BRIP1: variants seen among roughly 807,000 people sequenced by gnomAD.
BRIP1 encodes Fanconi anemia group J protein.
In BRIP1, 88 loss-of-function variants were observed where a neutral mutation model predicts 119.7. The ratio of observed to expected loss-of-function variants is 0.74; its 90% CI spans 0.62 to 0.88. BRIP1 has a LOEUF of 0.88. BRIP1 is among the 40% of genes least tolerant of loss of function. The pLI, the probability that BRIP1 is intolerant of heterozygous loss-of-function variation, is 0.00. For synonymous variants in BRIP1, 443 were observed against 496.5 expected, an observed-to-expected ratio of 0.89 and a Z score of 1.43; for missense variants, 1,259 against 1,455.4, an observed-to-expected ratio of 0.87 and a Z score of 2.20.
chr17:61,856,922 A>G lies in BRIP1; in HGVS notation c.379+136T>C. Reference sequence around the variant, plus strand: ...ATTTTTGACCACTCTGTGCTATTTTAAAATCATTCCAGAGAAACTAGATAG... The same window carrying G: ...ATTTTTGACCACTCTGTGCTATTTTGAAATCATTCCAGAGAAACTAGATAG... On this transcript the variant is annotated intron_variant, in intron 4 of 19. Transcript: ENST00000259008. This position sits in a 1 kb window ranked among gnomAD's most constrained non-coding sequence, Gnocchi z 5.1. The G allele has an allele frequency of 1.1e-6, 1 of 896,940 alleles. No homozygotes were observed. The highest frequency in any genetic ancestry group is 1.5e-5 in the South Asian group (1 of 67,026). 55.6% of individuals were successfully genotyped at this position (896,940 alleles called of 1,614,324 possible).
rs562043275 is a variant in BRIP1 at position 61,824,941 on chromosome 17, C to T, written c.628-16184G>A. ...ATTCCAAAATGGACAAAGGCAACAT[C>T]ATACTGAATGAGCAAAAGCTAGAAG... On this transcript the variant is annotated intron_variant, in intron 6 of 19. Transcript: ENST00000259008. The surrounding 1 kb of genome is among the most constrained non-coding windows in gnomAD (Gnocchi z 4.3). 6.6e-6 allele frequency among the ~76,000 whole-genome samples: 1 copy of T among 152,258 alleles called. No individual in the cohort carries two copies. Among genetic ancestry groups the T allele is most frequent in the East Asian group, 1.9e-4 (1 of 5,180 alleles).
At chr17:61,790,928 A>T (rs2077806959) in intron 10 of BRIP1, among the ~76,000 whole-genome samples, 1 of 152,072 alleles carries the variant, frequency 6.6e-6, no homozygotes, top group Non-Finnish European at 1.5e-5. Context: ...CCTCAGCCCC[A>T]TTTTACTGTT....
In BRIP1 at chr17:61,720,249, A is replaced by T. The variant is rs1185694049; in HGVS notation, c.2380-4186T>A. ...ATATTACATCATTTCAAATAACTAG[A>T]AGGAGGAGATTACATGTTCCATACA... is the stretch of plus-strand genomic sequence containing the variant. On this transcript the variant is annotated intron_variant, in intron 16 of 19. Coordinates refer to ENST00000259008, the MANE Select transcript of BRIP1 (RefSeq NM_032043.3). The surrounding 1 kb of genome is among the most constrained non-coding windows in gnomAD (Gnocchi z 4.3). Among the ~76,000 whole-genome samples the T allele has an allele frequency of 6.6e-6, 1 of 152,196 alleles. No individual in the cohort carries two copies. The highest frequency in any genetic ancestry group is 1.5e-5 in the Non-Finnish European group (1 of 68,024).
rs2077061483 is a variant in BRIP1, at chr17:61,746,613, T to C, written c.2098-2022A>G. 6.6e-6 allele frequency among the ~76,000 whole-genome samples: 1 copy of C among 151,940 alleles called. No individual in the cohort carries two copies. Reference sequence around the variant, plus strand: ...AAAAAAAAAGGACATTATATAATGATAAATGGGTCAATTCACTGGGAATAT... The same window carrying C: ...AAAAAAAAAGGACATTATATAATGACAAATGGGTCAATTCACTGGGAATAT... On this transcript the variant is annotated intron_variant, in intron 14 of 19. Transcript: ENST00000259008. The surrounding 1 kb of genome is among the most constrained non-coding windows in gnomAD (Gnocchi z 4.9).
chr17:61,850,699 AG>A (rs1468368167), intron 4 of BRIP1, among the ~76,000 whole-genome samples: 2 of 151,866 alleles, frequency 1.3e-5, no homozygotes, highest in Non-Finnish European at 2.9e-5. Context: ...ATGTTGGTGC[AG>A]GCCTATAATC....
chr17:61,743,227 A>G lies in BRIP1; in HGVS notation c.2258-93T>C, dbSNP rs1464589500. The G allele has an allele frequency of 7.0e-7, 1 of 1,428,644 alleles. No individual in the cohort carries two copies. The highest frequency in any genetic ancestry group is 9.7e-7 in the Non-Finnish European group (1 of 1,026,626). The allele number at this position is 1,428,644 out of a possible 1,614,324, so 88.5% of individuals were successfully genotyped here. A position where few individuals can be genotyped will look rare whatever the true frequency, so the allele number is the denominator to read the frequency against. On this transcript the variant is annotated intron_variant, in intron 15 of 19. Coordinates refer to ENST00000259008, the MANE Select transcript of BRIP1 (RefSeq NM_032043.3). The surrounding 1 kb of genome is among the most constrained non-coding windows in gnomAD (Gnocchi z 4.3). ...CCTGATTTATAATTATAGTAATTAC[A>G]GTAGCAAATTTAAAATAATCAAAAT... is the stretch of plus-strand genomic sequence containing the variant.
At position 61,683,634 on chromosome 17, in the gene BRIP1, C is replaced by A. The variant is rs587780249; in HGVS notation, c.3412G>T (p.Asp1138Tyr). The change falls in exon 20 of 20, where the codon GAT becomes TAT. Residue 1138 changes from aspartate to tyrosine, a missense_variant. Physicochemically the swap from Asp to Tyr is radical, Grantham distance 160 (BLOSUM62 -3). Transcript: ENST00000259008. The surrounding 1 kb of genome is among the most constrained non-coding windows in gnomAD (Gnocchi z 4.7). ...TTTTCTTCATCTGTATCTTCAGGAT[C>A]ATAAAGTTCAGGTGTAAAATAGATA... ...ESIYFTPELY[D>Y]PEDTDEEKND... The A allele has an allele frequency of 1.4e-5, 22 of 1,612,458 alleles. No homozygotes were observed. In the African/African-American group the frequency reaches 2.8e-4, roughly 21 times the overall value.
chr17:61,728,653 C>A (rs2144545531), intron 16 of BRIP1, among the ~76,000 whole-genome samples: 1 of 152,186 alleles, frequency 6.6e-6, no homozygotes, highest in East Asian at 1.9e-4. Context: ...AAGCAAGAAA[C>A]AAGAGGAAGA....
rs2145010354 is a variant in BRIP1 at position 61,775,172 on chromosome 17, T to C, written c.2097+1229A>G. On this transcript the variant is annotated intron_variant, in intron 14 of 19. Transcript: ENST00000259008. This position sits in a 1 kb window ranked among gnomAD's most constrained non-coding sequence, Gnocchi z 4.4. ...TAGTATCAAGCTTAATTACTAGTTTTCCTAAATATAACTGTTTGGTGTAGA... is the reference window on the plus strand; with the variant it reads ...TAGTATCAAGCTTAATTACTAGTTTCCCTAAATATAACTGTTTGGTGTAGA... Among the ~76,000 whole-genome samples the C allele has an allele frequency of 6.6e-6, 1 of 152,314 alleles. No individual in the cohort carries two copies. The highest frequency in any genetic ancestry group is 1.9e-4 in the East Asian group (1 of 5,190).
rs1406117355 is a variant in BRIP1 at position 61,796,106 on chromosome 17, A to AT, written c.1341-2378dup. 8.6e-5 allele frequency among the ~76,000 whole-genome samples: 13 copies of AT among 151,772 alleles called. No individual in the cohort carries two copies. Among genetic ancestry groups the AT allele is most frequent in the African/African-American group, 2.9e-4 (12 of 41,344 alleles). On this transcript the variant is annotated intron_variant, in intron 9 of 19. Coordinates refer to ENST00000259008, the MANE Select transcript of BRIP1 (RefSeq NM_032043.3). This position sits in a 1 kb window ranked among gnomAD's most constrained non-coding sequence, Gnocchi z 4.8. ...TGTCCATTTTTAATTAGATTATTAG[A>AT]TTTTTTCCTACAGAGTTGTTTGAGC...
At chr17:61,685,609 T>C in intron 19 of BRIP1, 2 of 562,010 alleles carry the variant, frequency 3.6e-6, no homozygotes, top group Non-Finnish European at 6.3e-6. Flanking sequence ...ATCACAAAGC[T>C]AGTAAGTGGC....
In BRIP1 at chr17:61,778,389, G is replaced by A. The variant is rs998673146; in HGVS notation, c.1936-1827C>T. On this transcript the variant is annotated intron_variant, in intron 13 of 19. Coordinates refer to ENST00000259008, the MANE Select transcript of BRIP1 (RefSeq NM_032043.3). This position sits in a 1 kb window ranked among gnomAD's most constrained non-coding sequence, Gnocchi z 4.4. ...GAACAGAGTTTCAGTTTTTCAAGAG[G>A]AGAAAGTCTTGAGATTGGTTGCACA... Among the ~76,000 whole-genome samples, 1 of 152,112 alleles carries A rather than the reference G, an allele frequency of 6.6e-6. No individual in the cohort carries two copies. The highest frequency in any genetic ancestry group is 1.5e-5 in the Non-Finnish European group (1 of 68,026).
At position 61,846,994 on chromosome 17, in the gene BRIP1, T is replaced by C. The variant is rs1014580173; in HGVS notation, c.627+107A>G. 9.9e-5 allele frequency: 138 copies of C among 1,388,696 alleles called. No individual in the cohort carries two copies. Among genetic ancestry groups the C allele is most frequent in the Non-Finnish European group, 3.8e-5 (38 of 994,256 alleles). 86.0% of individuals were successfully genotyped at this position (1,388,696 alleles called of 1,614,324 possible). On this transcript the variant is annotated intron_variant, in intron 6 of 19. Coordinates refer to ENST00000259008, the MANE Select transcript of BRIP1 (RefSeq NM_032043.3). This position sits in a 1 kb window ranked among gnomAD's most constrained non-coding sequence, Gnocchi z 4.3. The stretch of plus-strand genomic sequence containing the variant: ...ACAGCATTGAGGACTTCTGAGTGGG[T>C]TGCTACTGTCCTTTGTATTATACTA...
intron 17 of BRIP1, among the ~76,000 whole-genome samples, chr17:61,711,446 C>G (rs79814687): frequency 6.6e-6 from 1 of 152,068 alleles, no homozygotes; most frequent in South Asian, 2.1e-4. Context: ...CTTCAATAAC[C>G]TTCAGTGCAA....
chr17:61,823,138 G>A lies in BRIP1; in HGVS notation c.628-14381C>T, dbSNP rs1339781874. On this transcript the variant is annotated intron_variant, in intron 6 of 19. Transcript: ENST00000259008. This position sits in a 1 kb window ranked among gnomAD's most constrained non-coding sequence, Gnocchi z 4.8. ...ATATCAATTATCTTCTGAATGAAAC[G>A]TTAACCTTGCACAAGTAATGCAACA... Among the ~76,000 whole-genome samples, 1 of 152,166 alleles carries A rather than the reference G, an allele frequency of 6.6e-6. No individual in the cohort carries two copies. Among genetic ancestry groups the A allele is most frequent in the Non-Finnish European group, 1.5e-5 (1 of 68,018 alleles).
At chr17:61,838,295 C>T (rs1430251417) in intron 6 of BRIP1, among the ~76,000 whole-genome samples, 1 of 151,980 alleles carries the variant, frequency 6.6e-6, no homozygotes, top group Non-Finnish European at 1.5e-5. Flanking sequence ...CTCCTGACCT[C>T]GTGATCCGCC....
rs1383865470 is a variant in BRIP1 at position 61,803,546 on chromosome 17, CAA to C, written c.919-2074_919-2073del. 6.6e-6 allele frequency among the ~76,000 whole-genome samples: 1 copy of C among 151,328 alleles called. No homozygotes were observed. Among genetic ancestry groups the C allele is most frequent in the Non-Finnish European group, 1.5e-5 (1 of 67,808 alleles). On this transcript the variant is annotated intron_variant, in intron 7 of 19. Coordinates refer to ENST00000259008, the MANE Select transcript of BRIP1 (RefSeq NM_032043.3). This position sits in a 1 kb window ranked among gnomAD's most constrained non-coding sequence, Gnocchi z 4.3. ...GGGAGACTCAATCTCTACAAAAAAA[CAA>C]AAAAAATTAAACCGCAGTGAGCAGT...
Position 61,680,848 on chromosome 17 carries a change from C to A in BRIP1, c.*2448G>T, listed in dbSNP as rs1195295123. Among the ~76,000 whole-genome samples, 1 of 152,176 alleles carries A rather than the reference C, an allele frequency of 6.6e-6. No individual in the cohort carries two copies. The highest frequency in any genetic ancestry group is 2.4e-5 in the African/African-American group (1 of 41,520). On this transcript the variant is annotated 3_prime_UTR_variant, in exon 20 of 20. Transcript: ENST00000259008. ...TTGCGAAAATAAATATCTAGCTTTCCAAGTTATTATGCACATATACCATCT... is the reference window on the plus strand; with the variant it reads ...TTGCGAAAATAAATATCTAGCTTTCAAAGTTATTATGCACATATACCATCT...
rs1555605866 is a variant in BRIP1 at position 61,793,608 on chromosome 17, GA to G, written c.1461del (p.Ile489PhefsTer37). On this transcript the variant is annotated frameshift_variant, in exon 10 of 20. Transcript: ENST00000259008. LOFTEE classifies it high-confidence loss of function. This position sits in a 1 kb window ranked among gnomAD's most constrained non-coding sequence, Gnocchi z 5.2. ...LHKMGITTAT[F>X]PILQGHFSAV... Reference sequence around the variant, plus strand: ...AAAAAATATCTTACCTGCAAAATGGGAAAAGTAGCAGTGGTGATACCCATTT... The same window carrying G: ...AAAAAATATCTTACCTGCAAAATGGGAAAGTAGCAGTGGTGATACCCATTT... The G allele has an allele frequency of 6.2e-7, 1 of 1,606,094 alleles. No individual in the cohort carries two copies. Among genetic ancestry groups the G allele is most frequent in the East Asian group, 2.2e-5 (1 of 44,642 alleles).
Sources: allele counts gnomAD v4.1 joint callset (sites outside exome capture counted in the v4.1 genomes callset), GRCh38; gene constraint gnomAD v4.1.1; non-coding constraint Gnocchi (gnomAD v3.1); transcripts MANE v1.5; gene names NCBI Gene and HGNC (gene_info 2026-07-23, HGNC 2026-07-21).